Variants in CEP112 observed in about 807,000 individuals in gnomAD.
CEP112 encodes centrosomal protein 112.
CEP112 carries 127 observed loss-of-function variants against 153.0 expected under a neutral mutation model. The ratio of observed to expected loss-of-function variants is 0.83; its 90% CI spans 0.72 to 0.96. CEP112 has a LOEUF of 0.96. CEP112 is among the 40% of genes least tolerant of loss of function. CEP112 has a pLI of 0.00. For synonymous variants in CEP112, 358 were observed against 374.4 expected (o/e 0.96, Z 0.51); for missense variants, 1,089 against 1,101.2 (o/e 0.99, Z 0.16).
intron 20 of CEP112, among the ~76,000 whole-genome samples, chr17:65,892,431 T>C (rs2059499618): frequency 6.6e-6 from 1 of 152,142 alleles, no homozygotes; most frequent in Non-Finnish European, 1.5e-5. Flanking sequence ...TAACAATAAT[T>C]ATGATTTTTC....
intron 21 of CEP112, among the ~76,000 whole-genome samples, chr17:65,815,397 C>T (rs2056211528): frequency 6.6e-6 from 1 of 152,082 alleles, no homozygotes; most frequent in South Asian, 2.1e-4. Flanking sequence ...AATCTTTACA[C>T]CAATACCACA....
At chr17:66,105,447 T>A (rs986126667) in intron 6 of CEP112, among the ~76,000 whole-genome samples, 1 of 152,074 alleles carries the variant, frequency 6.6e-6, no homozygotes, top group African/African-American at 2.4e-5. Flanking sequence ...AATAATAACA[T>A]TCAATTTAAA....
chr17:66,002,766 CTACTA>C (rs1217318233), intron 17 of CEP112, among the ~76,000 whole-genome samples: 1 of 152,070 alleles, frequency 6.6e-6, no homozygotes, highest in East Asian at 1.9e-4. Flanking sequence ...GATAGCCTCT[CTACTA>C]TATATTCAAC....
At chr17:65,730,496 T>C (rs2050440853) in intron 23 of CEP112, among the ~76,000 whole-genome samples, 1 of 152,206 alleles carries the variant, frequency 6.6e-6, no homozygotes, top group South Asian at 2.1e-4. Context: ...ATTTCTATTC[T>C]TAGCATTATT....
At chr17:65,730,974 T>A (rs1278448104) in intron 23 of CEP112, among the ~76,000 whole-genome samples, 1 of 152,006 alleles carries the variant, frequency 6.6e-6, no homozygotes, top group Non-Finnish European at 1.5e-5. Flanking sequence ...GGCTTCACAG[T>A]GAGAAACTTT....
chr17:66,107,751 G>A (rs983656385), intron 6 of CEP112, among the ~76,000 whole-genome samples: 10 of 151,928 alleles, frequency 6.6e-5, no homozygotes, highest in African/African-American at 2.4e-4. Flanking sequence ...TGCAATTACT[G>A]TAAAAATACC....
intron 24 of CEP112, among the ~76,000 whole-genome samples, chr17:65,663,543 G>A (rs1193733893): frequency 6.6e-6 from 1 of 152,182 alleles, no homozygotes; most frequent in Admixed American, 6.5e-5. Context: ...GAGCCAATTG[G>A]ATGGTAGAGA....
chr17:66,058,528 G>A (rs1313395175), intron 11 of CEP112, among the ~76,000 whole-genome samples: 1 of 151,956 alleles, frequency 6.6e-6, no homozygotes, highest in African/African-American at 2.4e-5. Flanking sequence ...AACCAAAAAA[G>A]AGCCTGAATA....
At chr17:65,890,779 G>C (rs1482979013) in intron 20 of CEP112, among the ~76,000 whole-genome samples, 6 of 150,848 alleles carry the variant, frequency 4.0e-5, no homozygotes, top group African/African-American at 1.5e-4. Context: ...TCCTTAAAGG[G>C]CCTGATTAAA....
chr17:65,713,570 C>A (rs1425248588), intron 23 of CEP112, among the ~76,000 whole-genome samples: 5 of 152,118 alleles, frequency 3.3e-5, no homozygotes, highest in Non-Finnish European at 5.9e-5. Context: ...TTCCCTCTCA[C>A]GTCAAGTCAA....
chr17:66,126,000 A>G (rs1448991648), intron 6 of CEP112, among the ~76,000 whole-genome samples: 1 of 152,194 alleles, frequency 6.6e-6, no homozygotes, highest in East Asian at 1.9e-4. Context: ...GAAGATTTCA[A>G]TTGTGTCAGC....
intron 12 of CEP112, among the ~76,000 whole-genome samples, chr17:66,045,980 A>T (rs1464812407): frequency 6.6e-6 from 1 of 152,222 alleles, no homozygotes; most frequent in East Asian, 1.9e-4. Flanking sequence ...CAACAGAATA[A>T]ATGCAAAGAC....
intron 21 of CEP112, among the ~76,000 whole-genome samples, chr17:65,848,038 C>A (rs2057790764): frequency 6.6e-6 from 1 of 152,180 alleles, no homozygotes; most frequent in Non-Finnish European, 1.5e-5. Context: ...CCCACCTGCA[C>A]CACCTCACAG....
At chr17:65,885,617 T>C (rs1047807709) in intron 20 of CEP112, among the ~76,000 whole-genome samples, 5 of 152,240 alleles carry the variant, frequency 3.3e-5, no homozygotes, top group African/African-American at 9.6e-5. Context: ...CTTGTCAAAT[T>C]TGAAGAGACA....
chr17:65,637,377 G>A (rs556646006), intron 25 of CEP112, among the ~76,000 whole-genome samples, 189 bp from the exon 26 acceptor site: 1 of 152,250 alleles, frequency 6.6e-6, no homozygotes, highest in East Asian at 1.9e-4. Context: ...CATCAGTTAC[G>A]ACAGAATAAA....
intron 12 of CEP112, among the ~76,000 whole-genome samples, chr17:66,044,745 G>A (rs1161740500): frequency 6.6e-6 from 1 of 152,160 alleles, no homozygotes. Flanking sequence ...AAAGTATTAG[G>A]AAAGATGACA....
At chr17:66,100,672 A>G (rs2146307528) in intron 6 of CEP112, among the ~76,000 whole-genome samples, 1 of 152,192 alleles carries the variant, frequency 6.6e-6, no homozygotes, top group Non-Finnish European at 1.5e-5. Context: ...ATAATACCTG[A>G]ATCATATTAA....
At chr17:65,681,824 TCAC>T (rs2047546267) in intron 24 of CEP112, among the ~76,000 whole-genome samples, 1 of 151,090 alleles carries the variant, frequency 6.6e-6, no homozygotes. Flanking sequence ...CAGGTGCACA[TCAC>T]CACACCTGGC....
intron 19 of CEP112, among the ~76,000 whole-genome samples, chr17:65,916,538 T>G (rs1040482039): frequency 6.6e-6 from 1 of 150,850 alleles, no homozygotes; most frequent in Non-Finnish European, 1.5e-5. Flanking sequence ...GAAAACAGCT[T>G]CTTTTTTTTT....
Sources: gnomAD v4.1 joint callset for allele counts (sites outside exome capture counted in the v4.1 genomes callset) on GRCh38, gnomAD v4.1.1 for gene constraint, MANE v1.5 for transcripts, NCBI Gene and HGNC (gene_info 2026-07-23, HGNC 2026-07-21) for gene names.